Variants in DAW1 observed in about 807,000 individuals in gnomAD.
DAW1 encodes the protein dynein assembly factor with WD repeats 1.
In DAW1, 47 loss-of-function variants were observed where a neutral mutation model predicts 56.5. That is an observed-to-expected ratio of 0.83 (90% CI 0.66 to 1.06). DAW1 has a LOEUF of 1.06. DAW1 is among the 50% of genes least tolerant of loss of function. DAW1 has a pLI of 0.00. For synonymous variants in DAW1, 190 were observed against 179.0 expected (o/e 1.06, Z -0.49); for missense variants, 505 against 499.3 (o/e 1.01, Z -0.11).
intron 6 of DAW1, among the ~76,000 whole-genome samples, chr2:227,900,799 C>T (rs1360830286): frequency 6.6e-6 from 1 of 152,148 alleles, no homozygotes; most frequent in African/African-American, 2.4e-5. Context: ...TGTGCATGGC[C>T]AGAGGTGATG....
At chr2:227,921,325 TTTTTTTTTG>T in intron 11 of DAW1, 65 bp from the exon 12 acceptor site, 4 of 761,480 alleles carry the variant, frequency 5.3e-6, no homozygotes, top group East Asian at 4.2e-5. Context: ...TTTTTTTTTT[TTTTTTTTTG>T]CTGATAAGAA....
intron 7 of DAW1, among the ~76,000 whole-genome samples, chr2:227,904,616 A>G (rs1028896502): frequency 6.6e-6 from 1 of 152,196 alleles, no homozygotes; most frequent in Non-Finnish European, 1.5e-5. Context: ...GTTTCCCCAA[A>G]TACAACCTCT....
At chr2:227,898,834 G>C (rs1691472360) in intron 6 of DAW1, among the ~76,000 whole-genome samples, 1 of 152,086 alleles carries the variant, frequency 6.6e-6, no homozygotes, top group South Asian at 2.1e-4. Context: ...CACGTAATAT[G>C]ATAAATTTAT....
At chr2:227,877,224 G>C (rs942545049) in intron 1 of DAW1, among the ~76,000 whole-genome samples, 5 of 152,222 alleles carry the variant, frequency 3.3e-5, no homozygotes, top group Non-Finnish European at 7.3e-5. Context: ...TGTCAGCCAG[G>C]CTGGAGTACA....
intron 1 of DAW1, among the ~76,000 whole-genome samples, chr2:227,882,170 C>T (rs1200744651): frequency 6.6e-6 from 1 of 152,226 alleles, no homozygotes; most frequent in Non-Finnish European, 1.5e-5. Context: ...TTATATCAAA[C>T]TATGGTCTAT....
At chr2:227,884,174 TA>T (rs1477563515) in intron 1 of DAW1, among the ~76,000 whole-genome samples, 1 of 152,218 alleles carries the variant, frequency 6.6e-6, no homozygotes, top group African/African-American at 2.4e-5. Flanking sequence ...TTCATTATCA[TA>T]TTTTTCAATT....
intron 10 of DAW1, among the ~76,000 whole-genome samples, chr2:227,917,299 C>T (rs10933227): frequency 0.34 from 51,357 of 149,692 alleles, 9,300 homozygotes; most frequent in East Asian, 0.47. Context: ...CTTGCTCTTT[C>T]GCCCAGGTGG....
At chr2:227,876,344 T>G (rs889039687) in intron 1 of DAW1, 3 of 1,020,896 alleles carry the variant, frequency 2.9e-6, no homozygotes, top group Non-Finnish European at 3.9e-6. Context: ...TAGGCTCACG[T>G]AATTCTCTTG....
intron 10 of DAW1, among the ~76,000 whole-genome samples, chr2:227,909,270 A>ATCTATCTATCTG (rs1553603365): frequency 0.12 from 16,769 of 143,828 alleles, 1,034 homozygotes; most frequent in African/African-American, 0.13. Flanking sequence ...CTATCTATCT[A>ATCTATCTATCTG]TCTGTCTGTC....
At chr2:227,891,371 TATCA>T (rs577270274) in intron 4 of DAW1, 58 bp downstream of exon 4, 25 of 1,432,792 alleles carry the variant, frequency 1.7e-5, no homozygotes, top group Non-Finnish European at 2.5e-5. Flanking sequence ...TGTGTTTATT[TATCA>T]AAGATTCCAG....
At chr2:227,878,122 C>T (rs764919907) in intron 1 of DAW1, among the ~76,000 whole-genome samples, 11 of 152,222 alleles carry the variant, frequency 7.2e-5, no homozygotes, top group Admixed American at 1.3e-4. Context: ...TTAGATCATA[C>T]TCTGTGGACT....
intron 2 of DAW1, among the ~76,000 whole-genome samples, chr2:227,888,851 A>G (rs1691191970): frequency 6.6e-6 from 1 of 152,202 alleles, no homozygotes; most frequent in African/African-American, 2.4e-5. Flanking sequence ...TTTGAATGCT[A>G]GAGAAAATTT....
In DAW1 at chr2:227,908,746, A is replaced by G. The variant is rs566296183; in HGVS notation, c.973+1494A>G. Among the ~76,000 whole-genome samples the G allele has an allele frequency of 2.0e-5, 3 of 152,120 alleles. No individual in the cohort carries two copies. The East Asian group carries it at 5.8e-4, about 29-fold the overall frequency. On this transcript the variant is annotated intron_variant, in intron 10 of 12. Coordinates refer to ENST00000309931, the MANE Select transcript of DAW1 (RefSeq NM_178821.3). ...CTTGATAACCACATGGTACTATACT[A>G]TGTCTCCATCATCCTATGTCTCCTT...
chr2:227,906,984 G>T (rs550679626), intron 9 of DAW1, among the ~76,000 whole-genome samples, 154 bp from the exon 10 acceptor site: 13 of 152,252 alleles, frequency 8.5e-5, no homozygotes, highest in Non-Finnish European at 1.6e-4. Flanking sequence ...ATGAATCAAA[G>T]TAAATCTAAC....
chr2:227,918,818 A>G lies in DAW1; in HGVS notation c.1012A>G (p.Ile338Val). ...RIFSAATRKC[I>V]AKLEGHEGEI... ...TTTCAGTGCTGCCACAAGAAAATGCATTGCCAAACTGGAAGGTCATGAAGG... is the reference window on the plus strand; with the variant it reads ...TTTCAGTGCTGCCACAAGAAAATGCGTTGCCAAACTGGAAGGTCATGAAGG... Residue 338 changes from isoleucine to valine, a missense_variant, in exon 11 of 13, where the codon ATT (isoleucine) becomes GTT (valine). By Grantham distance (29) the Ile-to-Val change is conservative. Transcript: ENST00000309931. 6.2e-7 allele frequency: 1 copy of G among 1,614,184 alleles called. No individual in the cohort carries two copies. The highest frequency in any genetic ancestry group is 8.5e-7 in the Non-Finnish European group (1 of 1,180,032).
intron 6 of DAW1, among the ~76,000 whole-genome samples, chr2:227,900,397 T>C (rs1691511344): frequency 6.6e-6 from 1 of 152,228 alleles, no homozygotes; most frequent in African/African-American, 2.4e-5. Flanking sequence ...TGACTATGTG[T>C]GGAGCCCTGG....
At position 227,924,061 on chromosome 2, in the gene DAW1, T is replaced by G. The variant is rs1692170287; in HGVS notation, c.*93T>G. On this transcript the variant is annotated 3_prime_UTR_variant, in exon 13 of 13. Coordinates refer to ENST00000309931, the MANE Select transcript of DAW1 (RefSeq NM_178821.3). ...GCAGCTCTCTTAATATTTCTTATAC[T>G]TTCTCTTTTTCTGCAAGTCAACTAT... 3.5e-6 allele frequency: 5 copies of G among 1,429,034 alleles called. No individual in the cohort carries two copies. The South Asian group carries it at 6.1e-5, about 17-fold the overall frequency. The allele number at this position is 1,429,034 out of a possible 1,614,324, so 88.5% of individuals were successfully genotyped here.
intron 1 of DAW1, among the ~76,000 whole-genome samples, 185 bp downstream of exon 1, chr2:227,871,914 A>G (rs1690759980): frequency 6.6e-6 from 1 of 152,224 alleles, no homozygotes; most frequent in Admixed American, 6.5e-5. Flanking sequence ...TCAAAACATT[A>G]ACAATTACTC....
chr2:227,884,322 C>T (rs865835684), intron 1 of DAW1, among the ~76,000 whole-genome samples: 2 of 152,128 alleles, frequency 1.3e-5, no homozygotes, highest in South Asian at 4.1e-4. Flanking sequence ...ATTCCAACCT[C>T]TGATTCATCT....
Sources: gnomAD v4.1 joint callset for allele counts (sites outside exome capture counted in the v4.1 genomes callset) on GRCh38, gnomAD v4.1.1 for gene constraint, MANE v1.5 for transcripts, NCBI Gene and HGNC (gene_info 2026-07-23, HGNC 2026-07-21) for gene names.